RYR3: variants seen among roughly 807,000 people sequenced by gnomAD.
RYR3 encodes the protein brain ryanodine receptor-calcium release channel.
In RYR3, 207 loss-of-function variants were observed where a neutral mutation model predicts 584.3. The observed-to-expected ratio is 0.35, with a 90% CI of 0.32 to 0.40. The LOEUF (loss-of-function observed/expected upper bound fraction) is 0.40. Among genes scored for constraint, RYR3 ranks in the 10% least tolerant of loss-of-function variants. RYR3 has a pLI of 1.00. For missense variants in RYR3, 5,616 were observed against 6,089.2 expected (o/e 0.92, Z 2.59); for synonymous variants, 2,416 against 2,248.5 (o/e 1.07, Z -2.11).
In RYR3 at chr15:33,729,012, G is replaced by A; in HGVS notation, c.7189G>A (p.Ala2397Thr). ...ATTTTTACCTGACCTAAGAGCTTCT[G>A]CCTCTCTAGATACAGTAAGTTGCAA... ...VGFLPDLRAS[A>T]SLDTVSLSTT... Residue 2397 changes from alanine (A) to threonine (T), a missense_variant, in exon 47 of 104, where the codon GCC becomes ACC. Ala to Thr is a moderately conservative substitution (Grantham distance 58, BLOSUM62 0). This residue lies in a region of RYR3 where 1,280 missense variants were observed against 1,426.2 expected (regional missense o/e 0.90). Transcript: ENST00000634891. The A allele has an allele frequency of 6.2e-7, 1 of 1,613,754 alleles. No individual in the cohort carries two copies. The highest frequency in any genetic ancestry group is 2.2e-5 in the East Asian group (1 of 44,884).
chr15:33,853,908 G>T (rs2079365933), intron 96 of RYR3, among the ~76,000 whole-genome samples: 1 of 152,022 alleles, frequency 6.6e-6, no homozygotes, highest in African/African-American at 2.4e-5. Flanking sequence ...AAAATTTCAG[G>T]TTGGGCTGGG....
intron 45 of RYR3, 43 bp from the exon 46 acceptor site, chr15:33,726,343 G>C (rs758745956): frequency 6.2e-7 from 1 of 1,608,314 alleles, no homozygotes; most frequent in Non-Finnish European, 8.5e-7. Context: ...GGGAGGTGTG[G>C]GAACCTCACT....
chr15:33,532,336 A>C (rs2054952045), intron 4 of RYR3, among the ~76,000 whole-genome samples: 1 of 152,136 alleles, frequency 6.6e-6, no homozygotes, highest in South Asian at 2.1e-4. Context: ...GAGGAGTTTT[A>C]AAGCTCATAG....
chr15:33,533,250 G>A, intron 4 of RYR3, 61 bp from the exon 5 acceptor site: 1 of 1,157,530 alleles, frequency 8.6e-7, no homozygotes, highest in South Asian at 1.3e-5. Flanking sequence ...CTAACTAGTG[G>A]TAAGATACCA....
At chr15:33,603,876 A>C (rs920326834) in intron 18 of RYR3, among the ~76,000 whole-genome samples, 3 of 152,252 alleles carry the variant, frequency 2.0e-5, no homozygotes, top group Admixed American at 1.3e-4. Flanking sequence ...AATACAATTT[A>C]TAAAATGTCT....
intron 1 of RYR3, among the ~76,000 whole-genome samples, chr15:33,438,308 C>T (rs1000009435): frequency 2.0e-5 from 3 of 152,112 alleles, no homozygotes; most frequent in Non-Finnish European, 2.9e-5. Flanking sequence ...TTCCGTACTT[C>T]CCTCCCCATC....
At chr15:33,521,657 G>A (rs2053992929) in intron 3 of RYR3, among the ~76,000 whole-genome samples, 1 of 152,148 alleles carries the variant, frequency 6.6e-6, no homozygotes, top group Admixed American at 6.5e-5. Context: ...GTGATATGAG[G>A]AGACAGGAAG....
At chr15:33,693,649 G>C (rs1330813150) in intron 38 of RYR3, among the ~76,000 whole-genome samples, 1 of 152,254 alleles carries the variant, frequency 6.6e-6, no homozygotes, top group Admixed American at 6.5e-5. Flanking sequence ...ATTATCAACA[G>C]CATCCCACAC....
intron 86 of RYR3, among the ~76,000 whole-genome samples, chr15:33,833,678 T>C (rs762306625): frequency 6.6e-6 from 1 of 152,226 alleles, no homozygotes; most frequent in South Asian, 2.1e-4. Flanking sequence ...AAGCTCATTT[T>C]TGGTGAATGT....
chr15:33,862,894 G>A (rs1421210155), intron 102 of RYR3, among the ~76,000 whole-genome samples: 1 of 152,228 alleles, frequency 6.6e-6, no homozygotes, highest in Non-Finnish European at 1.5e-5. Flanking sequence ...TGGAATTAGA[G>A]GCGTGAGCCA....
Position 33,696,405 on chromosome 15 carries a change from C to A in RYR3, c.6048C>A (p.Asn2016Lys), listed in dbSNP as rs750953508. The change falls in exon 39 of 104, where the codon AAC (asparagine) becomes AAA (lysine). Residue 2016 changes from asparagine (N) to lysine (K), a missense_variant. Asn to Lys is a moderately conservative substitution (Grantham distance 94). Transcript: ENST00000634891. ...ACACCTCTGTAAGCGACACCATCAA[C>A]CTGCTGGCTGCCCTGGGCCAAATCC... ...ISHTSVSDTI[N>K]LLAALGQIRS... The A allele has an allele frequency of 5.0e-6, 8 of 1,613,956 alleles. No individual in the cohort carries two copies. The East Asian group carries it at 1.1e-4, about 22-fold the overall frequency.
chr15:33,750,396 A>G, intron 57 of RYR3, 110 bp downstream of exon 57: 1 of 1,066,418 alleles, frequency 9.4e-7, no homozygotes, highest in Non-Finnish European at 1.3e-6. Context: ...AGTCTTTTAA[A>G]ATGAGAACAT....
rs1301300499 is a variant in RYR3, at chr15:33,603,154, G to A, written c.1954G>A (p.Glu652Lys). 1 of 1,613,766 alleles carries A rather than the reference G, an allele frequency of 6.2e-7. No homozygotes were observed. The highest frequency in any genetic ancestry group is 8.5e-7 in the Non-Finnish European group (1 of 1,179,832). Reference sequence around the variant, plus strand: ...GCCAAACATCTTCCTGGGAGTCGCGGAGGGCTCAGCCCAGTACAAGAAGTG... The same window carrying A: ...GCCAAACATCTTCCTGGGAGTCGCGAAGGGCTCAGCCCAGTACAAGAAGTG... ...IRPNIFLGVA[E>K]GSAQYKKWYF... is the part of the protein sequence containing the mutation. The change falls in exon 18 of 104, where the codon GAG (glutamate) becomes AAG (lysine). Residue 652 changes from glutamate (E) to lysine (K), a missense_variant. Around this residue, in one of 9 missense-constraint regions of RYR3, gnomAD observed 1,284 missense variants for 1,344.6 expected, o/e 0.95. Transcript: ENST00000634891.
chr15:33,606,196 A>G (rs551427628), intron 18 of RYR3, among the ~76,000 whole-genome samples: 27 of 152,248 alleles, frequency 1.8e-4, no homozygotes, highest in Middle Eastern at 3.4e-3. Flanking sequence ...CCTCTCAGAG[A>G]CTCAGTTTTC....
chr15:33,441,716 G>A (rs987416517), intron 1 of RYR3, among the ~76,000 whole-genome samples: 1 of 152,112 alleles, frequency 6.6e-6, no homozygotes, highest in Non-Finnish European at 1.5e-5. Context: ...TTAAGTGAAT[G>A]CCCTACTTTA....
At chr15:33,326,016 G>A (rs1267319453) in intron 1 of RYR3, among the ~76,000 whole-genome samples, 2 of 152,030 alleles carry the variant, frequency 1.3e-5, no homozygotes, top group Admixed American at 6.6e-5. Flanking sequence ...TGCCCAAGCT[G>A]TTTTCTTGAA....
At chr15:33,655,069 G>A (rs1042832978) in intron 32 of RYR3, among the ~76,000 whole-genome samples, 2 of 152,204 alleles carry the variant, frequency 1.3e-5, no homozygotes, top group Non-Finnish European at 2.9e-5. Context: ...TGCAGTGCAT[G>A]ACCCTCTCTG....
chr15:33,852,948 A>G (rs2079257609), intron 94 of RYR3, 97 bp from the exon 95 acceptor site: 6 of 1,056,318 alleles, frequency 5.7e-6, no homozygotes, highest in Non-Finnish European at 8.5e-6. Flanking sequence ...ACAAACCAGA[A>G]AGATCCCAGA....
At chr15:33,557,930 T>A (rs987796593) in intron 10 of RYR3, among the ~76,000 whole-genome samples, 1 of 152,196 alleles carries the variant, frequency 6.6e-6, no homozygotes, top group Non-Finnish European at 1.5e-5. Flanking sequence ...CTCTTCCTTC[T>A]TAGAATCAGC....
Sources: gnomAD v4.1 joint callset for allele counts (sites outside exome capture counted in the v4.1 genomes callset) on GRCh38, gnomAD v4.1.1 for gene constraint, gnomAD v4.1.1 regional missense constraint, MANE v1.5 for transcripts, NCBI Gene and HGNC (gene_info 2026-07-23, HGNC 2026-07-21) for gene names.